Variants in ZNF608 observed in about 807,000 individuals in gnomAD.
The protein encoded by ZNF608 is renal carcinoma antigen NY-REN-36.
A neutral mutation model predicts 109.0 loss-of-function variants in ZNF608; 12 were observed. The ratio of observed to expected loss-of-function variants is 0.11; its 90% CI spans 0.07 to 0.18. The LOEUF (loss-of-function observed/expected upper bound fraction) is 0.18. ZNF608 is among the 10% of genes least tolerant of loss of function. The pLI is 1.00. For synonymous variants in ZNF608, 732 were observed against 717.4 expected (o/e 1.02, Z -0.33); for missense variants, 1,707 against 1,879.3 (o/e 0.91, Z 1.70).
chr5:124,689,386 A>C (rs1468512006), intron 3 of ZNF608, among the ~76,000 whole-genome samples: 6 of 152,144 alleles, frequency 3.9e-5, no homozygotes, highest in African/African-American at 1.4e-4. Context: ...AAAAAGTTCA[A>C]ACCTGCAATG....
At chr5:124,650,194 T>C (rs1385731893) in intron 3 of ZNF608, among the ~76,000 whole-genome samples, 1 of 152,168 alleles carries the variant, frequency 6.6e-6, no homozygotes. Context: ...TGCAGGTGCA[T>C]AAAAATAGGC....
rs56997397 is a variant in ZNF608, at chr5:124,694,378, T to A, written c.1162+6636A>T. On this transcript the variant is annotated intron_variant, in intron 3 of 9. Coordinates refer to ENST00000513986, the MANE Select transcript of ZNF608 (RefSeq NM_020747.3). ...TTCAATTTTATTTTTACTAAAAAAA[T>A]TTTTTTTCATCAATGTACTCAGAAT... Among the ~76,000 whole-genome samples the A allele has an allele frequency of 3.2e-3, 490 of 151,532 alleles. 1 individual carries two copies. The highest frequency in any genetic ancestry group is 0.011 in the African/African-American group (460 of 41,064).
At chr5:124,706,976 C>T (rs566479363) in intron 2 of ZNF608, among the ~76,000 whole-genome samples, 8 of 152,096 alleles carry the variant, frequency 5.3e-5, no homozygotes, top group Non-Finnish European at 1.0e-4. Context: ...CAGAGAGCGG[C>T]ACTTAGTGTG....
chr5:124,682,444 A>G, intron 3 of ZNF608, among the ~76,000 whole-genome samples: 1 of 152,260 alleles, frequency 6.6e-6, no homozygotes, highest in Non-Finnish European at 1.5e-5. Context: ...ACCAAGAGAA[A>G]TGAGTCAGGA....
intron 6 of ZNF608, among the ~76,000 whole-genome samples, chr5:124,643,962 T>C (rs1345388413): frequency 1.3e-5 from 2 of 152,208 alleles, no homozygotes; most frequent in Admixed American, 1.3e-4. Context: ...CTATAATGAT[T>C]ATGACAGTAA....
intron 3 of ZNF608, among the ~76,000 whole-genome samples, chr5:124,660,096 T>G (rs1751185626): frequency 6.6e-6 from 1 of 152,166 alleles, no homozygotes; most frequent in African/African-American, 2.4e-5. Flanking sequence ...ATCACTCTGC[T>G]ATTATTCCAT....
intron 2 of ZNF608, among the ~76,000 whole-genome samples, chr5:124,734,294 G>A (rs943737915): frequency 1.3e-5 from 2 of 152,174 alleles, no homozygotes; most frequent in African/African-American, 4.8e-5. Flanking sequence ...ACTTGAGAAA[G>A]CAGTCTTTAA....
intron 6 of ZNF608, among the ~76,000 whole-genome samples, chr5:124,644,024 T>C (rs1452793599): frequency 6.6e-6 from 1 of 152,254 alleles, no homozygotes; most frequent in Non-Finnish European, 1.5e-5. Flanking sequence ...CTAACAGCTA[T>C]AGCAGACCAT....
chr5:124,746,376 C>G lies in ZNF608; in HGVS notation c.-365G>C, dbSNP rs1467210667. Reference sequence around the variant, plus strand: ...AACATTATTCCACCTCCCCACCCCCCTTTTGGCAAACGAATCAGTCCTTTT... The same window carrying G: ...AACATTATTCCACCTCCCCACCCCCGTTTTGGCAAACGAATCAGTCCTTTT... On this transcript the variant is annotated 5_prime_UTR_variant, in exon 1 of 10. Coordinates refer to ENST00000513986, the MANE Select transcript of ZNF608 (RefSeq NM_020747.3). 4 of 985,262 alleles carry G rather than the reference C, an allele frequency of 4.1e-6. No homozygotes were observed. The highest frequency in any genetic ancestry group is 4.8e-6 in the Non-Finnish European group (4 of 829,938). 61.0% of individuals were successfully genotyped at this position (985,262 alleles called of 1,614,324 possible). A position where few individuals can be genotyped will look rare whatever the true frequency, so the allele number is the denominator to read the frequency against.
At chr5:124,736,879 T>C (rs1385062601) in intron 2 of ZNF608, among the ~76,000 whole-genome samples, 1 of 152,212 alleles carries the variant, frequency 6.6e-6, no homozygotes, top group Admixed American at 6.5e-5. Flanking sequence ...ACTAACACTT[T>C]TTTTAAAAAT....
At chr5:124,681,388 C>T (rs747907050) in intron 3 of ZNF608, among the ~76,000 whole-genome samples, 30 of 152,066 alleles carry the variant, frequency 2.0e-4, no homozygotes, top group Admixed American at 1.2e-3. Context: ...ACTAAGGAGG[C>T]GAAGGTTTCA....
rs1443855789 is a variant in ZNF608, at chr5:124,644,564, T to G, written c.3803A>C (p.Glu1268Ala). ...ATTAGGAGTTTTCCTCGGACTATCC[T>G]CTTTTAATTTCTTCTCTCTATCAAG... ...EELDREKKLKEDSPRKTPNKE... is the reference protein window; with the variant it reads ...EELDREKKLKADSPRKTPNKE... Residue 1268 changes from glutamate to alanine, a missense_variant, in exon 6 of 10, where the codon GAG (glutamate) becomes GCG (alanine). This residue lies in a region of ZNF608 where 1,073 missense variants were observed against 1,133.5 expected (regional missense o/e 0.95). Transcript: ENST00000513986. 1.2e-6 allele frequency: 2 copies of G among 1,614,064 alleles called. No homozygotes were observed. Among genetic ancestry groups the G allele is most frequent in the Non-Finnish European group, 1.7e-6 (2 of 1,179,998 alleles).
intron 3 of ZNF608, among the ~76,000 whole-genome samples, chr5:124,689,304 C>T (rs1443249877): frequency 6.6e-6 from 1 of 151,850 alleles, no homozygotes; most frequent in East Asian, 1.9e-4. Context: ...TTTTAATTAG[C>T]CAGGTGTGGT....
upstream of ZNF608, chr5:124,748,448 A>G: frequency 2.6e-6 from 2 of 770,260 alleles, no homozygotes; most frequent in Non-Finnish European, 3.2e-6. Context: ...CTAGTTCCTC[A>G]TTTCTATGCA....
intron 2 of ZNF608, among the ~76,000 whole-genome samples, chr5:124,726,841 A>G (rs545424775): frequency 6.6e-6 from 1 of 152,328 alleles, no homozygotes; most frequent in Non-Finnish European, 1.5e-5. Flanking sequence ...CATATGTGTT[A>G]CCTGAGTGGA....
At chr5:124,654,219 A>G (rs1750913110) in intron 3 of ZNF608, among the ~76,000 whole-genome samples, 1 of 151,570 alleles carries the variant, frequency 6.6e-6, no homozygotes, top group African/African-American at 2.4e-5. Context: ...ATGGGCTCTC[A>G]GTATGTTGCC....
At position 124,649,094 on chromosome 5, in the gene ZNF608, C is replaced by T. The variant is rs780804565; in HGVS notation, c.1290G>A (p.Gly430=). The change falls in exon 5 of 10, where the codon GGG becomes GGA. Residue 430 remains glycine, a synonymous_variant. Coordinates refer to ENST00000513986, the MANE Select transcript of ZNF608 (RefSeq NM_020747.3). ...TCGCTCTCTTCCCTCTGCCCCGGCC[C>T]CCTCTCATCTCCAGGTCACTTGTCG... ...ESPTSDLEMR[G]GRGRGKRARS... The T allele has an allele frequency of 8.2e-6, 13 of 1,586,634 alleles. No individual in the cohort carries two copies. In the South Asian group the frequency reaches 1.5e-4, roughly 18 times the overall value.
chr5:124,723,459 G>C (rs1486154136), intron 2 of ZNF608, among the ~76,000 whole-genome samples: 1 of 152,154 alleles, frequency 6.6e-6, no homozygotes, highest in African/African-American at 2.4e-5. Context: ...AGGCCAAGGT[G>C]GGTGGATCAC....
intron 3 of ZNF608, among the ~76,000 whole-genome samples, chr5:124,659,515 C>A (rs973799446): frequency 1.3e-5 from 2 of 152,064 alleles, no homozygotes; most frequent in Admixed American, 6.5e-5. Flanking sequence ...CTGAAAGATG[C>A]AAAGGAAATA....
Sources: gnomAD v4.1 joint callset for allele counts (sites outside exome capture counted in the v4.1 genomes callset) on GRCh38, gnomAD v4.1.1 for gene constraint, gnomAD v4.1.1 regional missense constraint, MANE v1.5 for transcripts, NCBI Gene and HGNC (gene_info 2026-07-23, HGNC 2026-07-21) for gene names.